NEFH: variants seen among roughly 807,000 people sequenced by gnomAD.
NEFH encodes the protein neurofilament heavy chain, also known as neurofilament heavy polypeptide.
Under a neutral mutation model 56.6 loss-of-function variants are expected in NEFH, and 58 were observed. The ratio of observed to expected loss-of-function variants is 1.03; its 90% CI spans 0.83 to 1.28. The LOEUF (loss-of-function observed/expected upper bound fraction) is 1.28. NEFH is among the 50% of genes most tolerant of loss of function. NEFH has a pLI of 0.00. For synonymous variants in NEFH, 542 were observed against 545.8 expected, an observed-to-expected ratio of 0.99 and a Z score of 0.10; for missense variants, 1,221 against 1,307.6, an observed-to-expected ratio of 0.93 and a Z score of 1.02.
At chr22:29,485,659 G>T in intron 2 of NEFH, 64 bp from the exon 3 acceptor site, 1 of 1,583,094 alleles carries the variant, frequency 6.3e-7, no homozygotes, top group East Asian at 2.3e-5. Context: ...GCCCGCCGCA[G>T]CTTCTCTGGT....
chr22:29,482,533 G>A (rs2063018274), intron 1 of NEFH, among the ~76,000 whole-genome samples: 1 of 152,220 alleles, frequency 6.6e-6, no homozygotes, highest in South Asian at 2.1e-4. Context: ...TTGGCACCCA[G>A]GCCACGGGCT....
intron 1 of NEFH, among the ~76,000 whole-genome samples, chr22:29,481,661 C>T (rs905598883): frequency 2.0e-5 from 3 of 152,222 alleles, no homozygotes; most frequent in Non-Finnish European, 2.9e-5. Flanking sequence ...TACCTTAAAT[C>T]TTCCACGTGG....
Position 29,480,780 on chromosome 22 carries a change from A to T in NEFH, c.518A>T (p.His173Leu). ...ARGQLRLEQE[H>L]LLEDIAHVRQ... is the part of the protein sequence containing the mutation. ...GGTCAGCTACGCCTGGAGCAGGAGC[A>T]CCTGCTCGAGGACATCGCGCACGTG... The change falls in exon 1 of 4, where the codon CAC becomes CTC. Residue 173 changes from histidine (H) to leucine (L), a missense_variant. By Grantham distance (99) the His-to-Leu change is moderately conservative. This residue lies in a region of NEFH where 640 missense variants were observed against 555.5 expected (regional missense o/e 1.15). Coordinates refer to ENST00000310624, the MANE Select transcript of NEFH (RefSeq NM_021076.4). 7.0e-7 allele frequency: 1 copy of T among 1,435,010 alleles called. No individual in the cohort carries two copies. Among genetic ancestry groups the T allele is most frequent in the Non-Finnish European group, 9.0e-7 (1 of 1,105,510 alleles). 88.9% of individuals were successfully genotyped at this position (1,435,010 alleles called of 1,614,324 possible). A position where few individuals can be genotyped will look rare whatever the true frequency, so the allele number is the denominator to read the frequency against.
At chr22:29,481,179 C>A in intron 1 of NEFH, 34 bp downstream of exon 1, 1 of 1,524,680 alleles carries the variant, frequency 6.6e-7, no homozygotes, top group Non-Finnish European at 8.8e-7. Flanking sequence ...GAGGGGCGCC[C>A]CTGCTGACCC....
chr22:29,482,441 C>T (rs1053989957), intron 1 of NEFH, among the ~76,000 whole-genome samples: 1 of 152,064 alleles, frequency 6.6e-6, no homozygotes, highest in South Asian at 2.1e-4. Context: ...CTGGGAACCA[C>T]GAGCGGGTTG....
chr22:29,480,907 C>T lies in NEFH; in HGVS notation c.645C>T (p.Asp215=), dbSNP rs1235470340. The T allele has an allele frequency of 2.0e-6, 3 of 1,500,550 alleles. No homozygotes were observed. The highest frequency in any genetic ancestry group is 2.9e-5 in the African/African-American group (2 of 68,672). The allele number at this position is 1,500,550 out of a possible 1,614,324, so 93.0% of individuals were successfully genotyped here. A position where few individuals can be genotyped will look rare whatever the true frequency, so the allele number is the denominator to read the frequency against. The change falls in exon 1 of 4, where the codon GAC becomes GAT. Residue 215 remains aspartate, a synonymous_variant. Coordinates refer to ENST00000310624, the MANE Select transcript of NEFH (RefSeq NM_021076.4). Reference sequence around the variant, plus strand: ...AGGAGGCCGAGGCGGCGCGCGTGGACCTGCAGAAGAAGGCGCAGGCGCTGC... The same window carrying T: ...AGGAGGCCGAGGCGGCGCGCGTGGATCTGCAGAAGAAGGCGCAGGCGCTGC... ...FAQEAEAARV[D]LQKKAQALQE...
intron 2 of NEFH, 119 bp downstream of exon 2, chr22:29,483,693 CAT>C (rs2063026577): frequency 1.2e-6 from 1 of 811,602 alleles, no homozygotes; most frequent in African/African-American, 1.8e-5. Context: ...TGGAGTCAGA[CAT>C]ACCAGCACTT....
At chr22:29,486,195 T>TA (rs1418763305) in intron 3 of NEFH, among the ~76,000 whole-genome samples, 2 of 151,142 alleles carry the variant, frequency 1.3e-5, no homozygotes, top group Non-Finnish European at 2.9e-5. Flanking sequence ...ATTTTTATTT[T>TA]TTTTTTTTTA....
In NEFH at chr22:29,490,959, T is replaced by C; in HGVS notation, c.*256T>C. The C allele has an allele frequency of 1.6e-6, 1 of 612,018 alleles. No individual in the cohort carries two copies. The highest frequency in any genetic ancestry group is 2.8e-6 in the Non-Finnish European group (1 of 358,120). The allele number at this position is 612,018 out of a possible 1,614,324, so 37.9% of individuals were successfully genotyped here. A position where few individuals can be genotyped will look rare whatever the true frequency, so the allele number is the denominator to read the frequency against. ...AGCTTATGTAGCTGAATGTGATACATGCCGAATGCCACACGTAAACACTTG... is the reference window on the plus strand; with the variant it reads ...AGCTTATGTAGCTGAATGTGATACACGCCGAATGCCACACGTAAACACTTG... On this transcript the variant is annotated 3_prime_UTR_variant, in exon 4 of 4. Transcript: ENST00000310624.
Position 29,480,720 on chromosome 22 carries a change from TGCGCGGCGCGGTGCTGCGCCTGG to T in NEFH, c.469_491del (p.Val157ArgfsTer115), listed in dbSNP as rs763364083. On this transcript the variant is annotated frameshift_variant, in exon 1 of 4. Coordinates refer to ENST00000310624, the MANE Select transcript of NEFH (RefSeq NM_021076.4). LOFTEE classifies it high-confidence loss of function. ...CTGTACGAGCGCGAGGTCCGCGAGA[TGCGCGGCGCGGTGCTGCGCCTGG>T]GCGCGGCGCGCGGTCAGCTACGCCT... 113 of 1,508,544 alleles carry T rather than the reference TGCGCGGCGCGGTGCTGCGCCTGG, an allele frequency of 7.5e-5. 1 individual carries two copies. Among genetic ancestry groups the T allele is most frequent in the South Asian group, 1.1e-4 (9 of 80,076 alleles). The allele number at this position is 1,508,544 out of a possible 1,614,324, so 93.4% of individuals were successfully genotyped here. A position where few individuals can be genotyped will look rare whatever the true frequency, so the allele number is the denominator to read the frequency against.
rs996402317 is a variant in NEFH, at chr22:29,480,247, C to T, written c.-16C>T. ...TGCCTCCCGCCCCGTCCCGGCCTCG[C>T]GCACCTGCTCAGGCCATGATGAGCT... On this transcript the variant is annotated 5_prime_UTR_variant, in exon 1 of 4. Transcript: ENST00000310624. 1.3e-6 allele frequency: 2 copies of T among 1,497,854 alleles called. No individual in the cohort carries two copies. Among genetic ancestry groups the T allele is most frequent in the African/African-American group, 2.9e-5 (2 of 68,482 alleles). The allele number at this position is 1,497,854 out of a possible 1,614,324, so 92.8% of individuals were successfully genotyped here.
intron 3 of NEFH, among the ~76,000 whole-genome samples, chr22:29,486,470 C>T (rs953128174): frequency 1.3e-5 from 2 of 151,836 alleles, no homozygotes; most frequent in Non-Finnish European, 2.9e-5. Context: ...ATCATTCTCT[C>T]CTTCCTTCAG....
At position 29,485,777 on chromosome 22, in the gene NEFH, G is replaced by A. The variant is rs201416955; in HGVS notation, c.1138G>A (p.Ala380Thr). ...GAGGAACACCAAGTGGGAGATGGCC[G>A]CCCAGCTGCGAGAATACCAGGACCT... The part of the protein sequence containing the change: ...ELRNTKWEMA[A>T]QLREYQDLLN... Residue 380 changes from alanine (A) to threonine (T), a missense_variant, in exon 3 of 4, where the codon GCC becomes ACC. Transcript: ENST00000310624. 1.8e-4 allele frequency: 290 copies of A among 1,614,158 alleles called. No homozygotes were observed. In the East Asian group the frequency reaches 3.9e-3, roughly 22 times the overall value.
chr22:29,480,518 G>A lies in NEFH; in HGVS notation c.256G>A (p.Gly86Ser), dbSNP rs918913612. 25 of 1,535,778 alleles carry A rather than the reference G, an allele frequency of 1.6e-5. No individual in the cohort carries two copies. The African/African-American group carries it at 2.9e-4, about 18-fold the overall frequency. ...GGACACGCTGAGCAACGGGCCGGAGGGCTGCATGGTGGCGGTGGCCACCTC... is the reference window on the plus strand; with the variant it reads ...GGACACGCTGAGCAACGGGCCGGAGAGCTGCATGGTGGCGGTGGCCACCTC... ...SLDTLSNGPEGCMVAVATSRS... is the reference protein window; with the variant it reads ...SLDTLSNGPESCMVAVATSRS... Residue 86 changes from glycine to serine, a missense_variant, in exon 1 of 4, where the codon GGC (glycine) becomes AGC (serine). Gly to Ser is a moderately conservative substitution (Grantham distance 56, BLOSUM62 0). Transcript: ENST00000310624.
In NEFH at chr22:29,491,273, G is replaced by A; in HGVS notation, c.*570G>A. 1 of 190,650 alleles carries A rather than the reference G, an allele frequency of 5.2e-6. No homozygotes were observed. The highest frequency in any genetic ancestry group is 1.1e-5 in the Non-Finnish European group (1 of 90,942). 11.8% of individuals were successfully genotyped at this position (190,650 alleles called of 1,614,324 possible). On this transcript the variant is annotated 3_prime_UTR_variant, in exon 4 of 4. Coordinates refer to ENST00000310624, the MANE Select transcript of NEFH (RefSeq NM_021076.4). ...AATTGCTTCTGTGCAATAAAACCAAGTGCTTATAAAATGAAAATGTTGCTG... is the reference window on the plus strand; with the variant it reads ...AATTGCTTCTGTGCAATAAAACCAAATGCTTATAAAATGAAAATGTTGCTG...
At chr22:29,483,131 T>A (rs2063021414) in intron 1 of NEFH, among the ~76,000 whole-genome samples, 1 of 151,962 alleles carries the variant, frequency 6.6e-6, no homozygotes, top group Non-Finnish European at 1.5e-5. Context: ...TACAAAAAAT[T>A]AGCTGGGCGT....
intron 3 of NEFH, 57 bp downstream of exon 3, chr22:29,485,904 T>TA (rs1339374652): frequency 6.2e-7 from 1 of 1,606,402 alleles, no homozygotes; most frequent in Non-Finnish European, 8.5e-7. Flanking sequence ...TGCGAGACGC[T>TA]AAGCCTTGGG....
chr22:29,483,336 G>T (rs2063023137), intron 1 of NEFH, 39 bp from the exon 2 acceptor site: 1 of 1,592,592 alleles, frequency 6.3e-7, no homozygotes, highest in Non-Finnish European at 8.6e-7. Flanking sequence ...ACCCAGTCCA[G>T]GTGTGTCTAA....
chr22:29,485,477 C>T (rs564554049), intron 2 of NEFH, among the ~76,000 whole-genome samples: 9 of 152,342 alleles, frequency 5.9e-5, no homozygotes, highest in Admixed American at 2.0e-4. Flanking sequence ...GCAGGAACAA[C>T]TGTTGACATC....
Sources: gnomAD v4.1 joint callset for allele counts (sites outside exome capture counted in the v4.1 genomes callset) on GRCh38, gnomAD v4.1.1 for gene constraint, gnomAD v4.1.1 regional missense constraint, MANE v1.5 for transcripts, NCBI Gene and HGNC (gene_info 2026-07-23, HGNC 2026-07-21) for gene names.